The following DNM3 variants were observed in gnomAD, a reference collection of about 807,000 sequenced individuals.
DNM3 encodes dynamin-3.
In DNM3, 47 loss-of-function variants were observed where a neutral mutation model predicts 101.6. The ratio of observed to expected loss-of-function variants is 0.46; its 90% CI spans 0.37 to 0.59. The LOEUF is 0.59. Among genes scored for constraint, DNM3 ranks in the 20% least tolerant of loss-of-function variants. The pLI, the probability that DNM3 is intolerant of heterozygous loss-of-function variation, is 0.00. For missense variants in DNM3, 849 were observed against 1,085.7 expected (o/e 0.78, Z 3.06); for synonymous variants, 385 against 387.9 (o/e 0.99, Z 0.09).
chr1:172,132,307 T>C (rs966018364), intron 14 of DNM3, among the ~76,000 whole-genome samples: 4 of 152,194 alleles, frequency 2.6e-5, no homozygotes, highest in African/African-American at 9.6e-5. Context: ...TGTGTAATAG[T>C]GTGTTGAAAA....
At chr1:172,040,706 G>A (rs996544822) in intron 7 of DNM3, among the ~76,000 whole-genome samples, 3 of 152,136 alleles carry the variant, frequency 2.0e-5, no homozygotes, top group Non-Finnish European at 2.9e-5. Context: ...GAGGAGGGGC[G>A]ATGAGGAGTG....
chr1:172,022,414 T>C (rs2047909751), intron 4 of DNM3, among the ~76,000 whole-genome samples: 1 of 152,286 alleles, frequency 6.6e-6, no homozygotes, highest in African/African-American at 2.4e-5. Context: ...TATTTTAAGC[T>C]GCCTATTTGT....
At chr1:172,247,635 T>A (rs1454168414) in intron 14 of DNM3, among the ~76,000 whole-genome samples, 5 of 150,850 alleles carry the variant, frequency 3.3e-5, no homozygotes, top group Non-Finnish European at 4.4e-5. Context: ...AATATTTCTC[T>A]TTATTACTCT....
chr1:172,184,171 A>C (rs1428626072), intron 14 of DNM3, among the ~76,000 whole-genome samples: 1 of 152,074 alleles, frequency 6.6e-6, no homozygotes, highest in East Asian at 1.9e-4. Flanking sequence ...CTTCTCATTA[A>C]ATGATGTTAA....
At chr1:172,149,143 A>G (rs2058034388) in intron 14 of DNM3, among the ~76,000 whole-genome samples, 1 of 152,178 alleles carries the variant, frequency 6.6e-6, no homozygotes, top group Non-Finnish European at 1.5e-5. Flanking sequence ...ACATTTACGG[A>G]CGCATGTTTT....
At chr1:172,116,542 G>A (rs963574486) in intron 13 of DNM3, among the ~76,000 whole-genome samples, 1 of 152,210 alleles carries the variant, frequency 6.6e-6, no homozygotes, top group African/African-American at 2.4e-5. Context: ...CAGAGGAGAA[G>A]CAAAGCTCCA....
intron 1 of DNM3, among the ~76,000 whole-genome samples, chr1:171,871,226 CCCAGGATACAGA>C (rs1211407246): frequency 6.6e-6 from 1 of 152,110 alleles, no homozygotes; most frequent in Non-Finnish European, 1.5e-5. Context: ...CGCCCAGAGC[CCCAGGATACAGA>C]GGGTGTTATT....
At chr1:172,029,400 G>A (rs538996100) in intron 4 of DNM3, among the ~76,000 whole-genome samples, 7 of 152,154 alleles carry the variant, frequency 4.6e-5, no homozygotes, top group Non-Finnish European at 7.4e-5. Flanking sequence ...TTGATGGAAC[G>A]TATCTCAAAA....
At chr1:172,116,259 C>T (rs150905811) in intron 13 of DNM3, among the ~76,000 whole-genome samples, 20 of 152,258 alleles carry the variant, frequency 1.3e-4, no homozygotes, top group African/African-American at 4.8e-4. Context: ...CTGTGGATGG[C>T]ATTCTGTCTG....
At chr1:172,353,302 T>C (rs184139537) in intron 17 of DNM3, among the ~76,000 whole-genome samples, 84 of 152,310 alleles carry the variant, frequency 5.5e-4, no homozygotes, top group Admixed American at 4.6e-3. Context: ...ATAATCAAAT[T>C]TGTCATCTTT....
chr1:172,075,250 C>T (rs985726697), intron 11 of DNM3, among the ~76,000 whole-genome samples: 2 of 151,792 alleles, frequency 1.3e-5, no homozygotes, highest in African/African-American at 4.8e-5. Flanking sequence ...ATTTTTTTCC[C>T]ATTCTATAGG....
chr1:172,310,925 G>A (rs1406110438), intron 16 of DNM3: 1 of 152,170 alleles, frequency 6.6e-6, no homozygotes, highest in East Asian at 1.9e-4. Flanking sequence ...GTTCAAGCAG[G>A]GCTGTTGTGT....
In DNM3 at chr1:172,262,096, C is replaced by G. The variant is rs183447608; in HGVS notation, c.1769+8414C>G. Among the ~76,000 whole-genome samples, 394 of 152,322 alleles carry G rather than the reference C, an allele frequency of 2.6e-3. 1 individual carries two copies. The highest frequency in any genetic ancestry group is 8.9e-3 in the African/African-American group (370 of 41,570). ...CTTAGGTGAGAGCAGAAATGGCTAT[C>G]TGTAGCCCTTCTACTGGGAAGCCTA... On this transcript the variant is annotated intron_variant, in intron 15 of 20. Transcript: ENST00000627582.
chr1:172,064,556 G>C (rs1173066214), intron 10 of DNM3, among the ~76,000 whole-genome samples: 1 of 152,134 alleles, frequency 6.6e-6, no homozygotes, highest in Non-Finnish European at 1.5e-5. Context: ...ATAATGAAAT[G>C]AGTGGTAGAA....
intron 2 of DNM3, among the ~76,000 whole-genome samples, chr1:171,980,993 A>G (rs2044749699): frequency 6.6e-6 from 1 of 151,386 alleles, no homozygotes; most frequent in Non-Finnish European, 1.5e-5. Flanking sequence ...CTGGTCTCGA[A>G]CTCCTGACCT....
chr1:172,411,304 C>T lies in DNM3; in HGVS notation c.*3463C>T. On this transcript the variant is annotated 3_prime_UTR_variant, in exon 21 of 21. Coordinates refer to ENST00000627582, the MANE Select transcript of DNM3 (RefSeq NM_015569.5). The stretch of plus-strand genomic sequence containing the variant: ...TGTAGTCATTTTGAGAGGTACAAAG[C>T]TCATAATTACCATGACAACATGGTA... 1 of 984,968 alleles carries T rather than the reference C, an allele frequency of 1.0e-6. No homozygotes were observed. Among genetic ancestry groups the T allele is most frequent in the Non-Finnish European group, 1.2e-6 (1 of 829,698 alleles). 61.0% of individuals were successfully genotyped at this position (984,968 alleles called of 1,614,324 possible).
chr1:172,129,656 C>G (rs1392710713), intron 13 of DNM3, among the ~76,000 whole-genome samples: 1 of 152,076 alleles, frequency 6.6e-6, no homozygotes, highest in Admixed American at 6.6e-5. Context: ...TCCATCAGGT[C>G]TTGTGAGACT....
intron 4 of DNM3, among the ~76,000 whole-genome samples, chr1:172,003,682 G>A (rs1359629863): frequency 1.3e-5 from 2 of 151,832 alleles, no homozygotes; most frequent in Admixed American, 6.6e-5. Flanking sequence ...GTAAGGAAGT[G>A]TACATGAGGC....
chr1:172,075,264 C>T (rs542442457), intron 11 of DNM3, among the ~76,000 whole-genome samples: 2 of 152,020 alleles, frequency 1.3e-5, no homozygotes, highest in East Asian at 3.9e-4. Flanking sequence ...CTATAGGTTG[C>T]CTTTTCACTC....
Sources: gnomAD v4.1 joint callset for allele counts (sites outside exome capture counted in the v4.1 genomes callset) on GRCh38, gnomAD v4.1.1 for gene constraint, MANE v1.5 for transcripts, NCBI Gene and HGNC (gene_info 2026-07-23, HGNC 2026-07-21) for gene names.